The following C19orf38 variants were observed in gnomAD, a reference collection of about 807,000 sequenced individuals.
C19orf38 encodes chromosome 19 open reading frame 38.
A neutral mutation model predicts 26.6 loss-of-function variants in C19orf38; 14 were observed. That is an observed-to-expected ratio of 0.53 (90% CI 0.35 to 0.82). The LOEUF is 0.82. Among genes scored for constraint, C19orf38 ranks in the 40% least tolerant of loss-of-function variants. C19orf38 has a pLI of 0.01. For synonymous variants in C19orf38, 132 were observed against 128.5 expected, an observed-to-expected ratio of 1.03 and a Z score of -0.18; for missense variants, 261 against 299.5, an observed-to-expected ratio of 0.87 and a Z score of 0.95.
chr19:10,865,563 T>C (rs376195102), intron 6 of C19orf38, among the ~76,000 whole-genome samples: 1 of 151,880 alleles, frequency 6.6e-6, no homozygotes, highest in Admixed American at 6.6e-5. Flanking sequence ...GCCTGGGAGG[T>C]TGAGTCTGCA....
rs541646450 is a variant in C19orf38, at chr19:10,842,679, G to T, written c.-68-5762G>T. On this transcript the variant is annotated intron_variant, in intron 1 of 7. Transcript: ENST00000592854. ...TTGAGCCCAGGAGGTTGAGGCTGCA[G>T]TGAGCCATGATTGCACTACTGCACT... Among the ~76,000 whole-genome samples the T allele has an allele frequency of 4.6e-5, 7 of 152,256 alleles. 1 individual carries two copies. In the East Asian group the frequency reaches 1.3e-3, roughly 29 times the overall value.
chr19:10,853,100 T>C (rs374254125), intron 2 of C19orf38, among the ~76,000 whole-genome samples: 15 of 151,976 alleles, frequency 9.9e-5, no homozygotes, highest in African/African-American at 3.1e-4. Context: ...TCTTGCTTTG[T>C]TGACCAGGCT....
At chr19:10,860,122 T>G (rs2073681034) in intron 5 of C19orf38, 164 bp downstream of exon 5, 2 of 708,674 alleles carry the variant, frequency 2.8e-6, no homozygotes, top group Middle Eastern at 2.5e-4. Flanking sequence ...CCTTCTCTCC[T>G]TTGACTTAAC....
chr19:10,860,158 C>A, intron 5 of C19orf38, 200 bp downstream of exon 5: 1 of 582,720 alleles, frequency 1.7e-6, no homozygotes, highest in South Asian at 1.9e-5. Context: ...TCTGGGAAGC[C>A]TTCCCTGACT....
chr19:10,857,918 GA>G, intron 3 of C19orf38, among the ~76,000 whole-genome samples: 1 of 149,560 alleles, frequency 6.7e-6, no homozygotes, highest in African/African-American at 2.5e-5. Flanking sequence ...AAGAAAGAAA[GA>G]AAGAAAGAAA....
At chr19:10,863,808 G>A (rs894848062) in intron 6 of C19orf38, among the ~76,000 whole-genome samples, 1 of 152,156 alleles carries the variant, frequency 6.6e-6, no homozygotes, top group Non-Finnish European at 1.5e-5. Context: ...AGCTACTTGG[G>A]AGGCTGAGAC....
chr19:10,855,023 A>G (rs2073609202), intron 2 of C19orf38, among the ~76,000 whole-genome samples: 1 of 135,268 alleles, frequency 7.4e-6, no homozygotes, highest in South Asian at 2.3e-4. Context: ...AGCTTCAGAT[A>G]TATATTCTTT....
At chr19:10,839,497 C>T (rs1293208524) in intron 1 of C19orf38, among the ~76,000 whole-genome samples, 6 of 152,180 alleles carry the variant, frequency 3.9e-5, no homozygotes, top group East Asian at 1.9e-4. Context: ...TGTATCAACT[C>T]CTCATTACAC....
At chr19:10,847,490 C>T (rs1344110058), upstream of C19orf38, among the ~76,000 whole-genome samples, 1 of 151,644 alleles carries the variant, frequency 6.6e-6, no homozygotes, top group Non-Finnish European at 1.5e-5. Flanking sequence ...TCTCCTGCCT[C>T]AGCCTCCCGA....
chr19:10,857,521 C>G (rs1365456940), intron 3 of C19orf38, among the ~76,000 whole-genome samples: 1 of 147,054 alleles, frequency 6.8e-6, no homozygotes, highest in Non-Finnish European at 1.5e-5. Flanking sequence ...TAAAGTGATT[C>G]TCCTGCCTCA....
rs944652364 is a variant in C19orf38 at position 10,869,436 on chromosome 19, G to T, written c.*69G>T. The T allele has an allele frequency of 6.8e-7, 1 of 1,467,118 alleles. No individual in the cohort carries two copies. 90.9% of individuals were successfully genotyped at this position (1,467,118 alleles called of 1,614,324 possible). A position where few individuals can be genotyped will look rare whatever the true frequency, so the allele number is the denominator to read the frequency against. ...CCTGAGGTCCCTCCAGCTACTTCTGGGGGGGCTCTGTCAGCCACTTTCTCA... is the reference window on the plus strand; with the variant it reads ...CCTGAGGTCCCTCCAGCTACTTCTGTGGGGGCTCTGTCAGCCACTTTCTCA... On this transcript the variant is annotated 3_prime_UTR_variant, in exon 7 of 7. Coordinates refer to ENST00000397820, the MANE Select transcript of C19orf38 (RefSeq NM_001136482.3).
At chr19:10,868,157 C>T (rs1028544058) in intron 6 of C19orf38, among the ~76,000 whole-genome samples, 8 of 152,164 alleles carry the variant, frequency 5.3e-5, no homozygotes, top group Admixed American at 3.3e-4. Flanking sequence ...ACTGCTTTGT[C>T]GTTGGCTGAA....
At chr19:10,844,316 T>C (rs2073499737), upstream of C19orf38, among the ~76,000 whole-genome samples, 1 of 150,358 alleles carries the variant, frequency 6.7e-6, no homozygotes, top group Admixed American at 6.7e-5. Flanking sequence ...GGCAGGAGAA[T>C]CGCTTGAACC....
chr19:10,866,047 A>T (rs897149944), intron 6 of C19orf38, among the ~76,000 whole-genome samples: 3 of 149,880 alleles, frequency 2.0e-5, no homozygotes, highest in Non-Finnish European at 3.0e-5. Context: ...TATTTTATTA[A>T]TTTTTTGAGA....
At chr19:10,845,821 G>A (rs2073511728), upstream of C19orf38, among the ~76,000 whole-genome samples, 5 of 150,578 alleles carry the variant, frequency 3.3e-5, no homozygotes, top group Admixed American at 3.3e-4. Flanking sequence ...AGAGCTTGCA[G>A]TGAGCCGAGA....
At chr19:10,858,235 A>AAC (rs1276330326) in intron 3 of C19orf38, 81 bp from the exon 4 acceptor site, 34 of 1,150,518 alleles carry the variant, frequency 3.0e-5, no homozygotes, top group East Asian at 2.9e-5. Context: ...CTAAAAAAAA[A>AAC]AAAAAAAAAA....
intron 4 of C19orf38, among the ~76,000 whole-genome samples, chr19:10,859,114 T>G (rs1217321202): frequency 6.7e-6 from 1 of 149,908 alleles, no homozygotes; most frequent in African/African-American, 2.5e-5. Flanking sequence ...ATTTTGTATT[T>G]TTAGTAGAGA....
chr19:10,846,080 G>T (rs938779206), upstream of C19orf38, among the ~76,000 whole-genome samples: 2 of 150,800 alleles, frequency 1.3e-5, no homozygotes, highest in Non-Finnish European at 2.9e-5. Flanking sequence ...TACTCAGGAG[G>T]CTGAGATGGG....
rs546629596 is a variant in C19orf38, at chr19:10,849,016, C to T, written c.31+477C>T. Among the ~76,000 whole-genome samples, 4 of 152,026 alleles carry T rather than the reference C, an allele frequency of 2.6e-5. No homozygotes were observed. The South Asian group carries it at 6.2e-4, about 24-fold the overall frequency. ...CCCAGGAGACCATCCTGCAGGAAGC[C>T]GTGCTCCAAAATCCGTATTCTTCAC... On this transcript the variant is annotated intron_variant, in intron 1 of 6. Coordinates refer to ENST00000397820, the MANE Select transcript of C19orf38 (RefSeq NM_001136482.3).
Sources: gnomAD v4.1 joint callset for allele counts (sites outside exome capture counted in the v4.1 genomes callset) on GRCh38, gnomAD v4.1.1 for gene constraint, MANE v1.5 for transcripts, NCBI Gene and HGNC (gene_info 2026-07-23, HGNC 2026-07-21) for gene names.